The following CC2D2B variants were observed in gnomAD, a reference collection of about 807,000 sequenced individuals.
CC2D2B encodes the protein coiled-coil and C2 domain containing 2B, also known as protein CC2D2B.
CC2D2B carries 128 observed loss-of-function variants against 161.2 expected under a neutral mutation model. That is an observed-to-expected ratio of 0.79 (90% CI 0.69 to 0.92). CC2D2B has a LOEUF of 0.92. Among genes scored for constraint, CC2D2B ranks in the 40% least tolerant of loss-of-function variants. The pLI, the probability that CC2D2B is intolerant of heterozygous loss-of-function variation, is 0.00. For missense variants in CC2D2B, 1,173 were observed against 1,375.1 expected (o/e 0.85, Z 2.32); for synonymous variants, 391 against 449.8 (o/e 0.87, Z 1.65).
chr10:95,962,984 G>T (rs1433396321), intron 12 of CC2D2B, among the ~76,000 whole-genome samples: 1 of 151,958 alleles, frequency 6.6e-6, no homozygotes, highest in Non-Finnish European at 1.5e-5. Context: ...GACCCATATT[G>T]CCTGCTCACC....
intron 5 of CC2D2B, among the ~76,000 whole-genome samples, chr10:95,926,871 T>TGTGC (rs1311615675): frequency 6.6e-6 from 1 of 151,160 alleles, no homozygotes; most frequent in Non-Finnish European, 1.5e-5. Flanking sequence ...TGTGTGTGTG[T>TGTGC]GTGCGCGCGC....
At chr10:95,993,952 GTATATATATATATATATATA>G (rs1169560460) in intron 22 of CC2D2B, among the ~76,000 whole-genome samples, 30 of 18,176 alleles carry the variant, frequency 1.7e-3, no homozygotes, top group African/African-American at 3.4e-3. Flanking sequence ...GTATGTATGT[GTATATATATATATATATATA>G]TATATATATA....
At chr10:95,972,686 T>C (rs2077178400) in intron 16 of CC2D2B, among the ~76,000 whole-genome samples, 1 of 152,232 alleles carries the variant, frequency 6.6e-6, no homozygotes, top group Non-Finnish European at 1.5e-5. Flanking sequence ...AAGTTTTGTC[T>C]TGGGTCAGAT....
intron 9 of CC2D2B, among the ~76,000 whole-genome samples, chr10:95,944,946 G>A (rs1275063199): frequency 6.6e-6 from 1 of 152,182 alleles, no homozygotes. Flanking sequence ...TAAGGGGTAG[G>A]ACCTATAAAA....
intron 34 of CC2D2B, among the ~76,000 whole-genome samples, chr10:96,030,066 G>A (rs1291610510): frequency 6.6e-6 from 1 of 152,100 alleles, no homozygotes; most frequent in African/African-American, 2.4e-5. Flanking sequence ...TCCAGCCTTA[G>A]CCTCCCAAAG....
intron 9 of CC2D2B, among the ~76,000 whole-genome samples, chr10:95,947,082 A>AATATATATATATATAT (rs1297977316): frequency 2.8e-4 from 11 of 39,482 alleles, no homozygotes; most frequent in South Asian, 8.0e-4. Context: ...TGGACTCAAA[A>AATATATATATATATAT]ATATATATAT....
intron 5 of CC2D2B, among the ~76,000 whole-genome samples, chr10:95,925,072 T>TA (rs1228302935): frequency 6.6e-6 from 1 of 152,220 alleles, no homozygotes; most frequent in Non-Finnish European, 1.5e-5. Flanking sequence ...CATTACTTTT[T>TA]ATCCTAAAAA....
In CC2D2B at chr10:96,019,314, G is replaced by C; in HGVS notation, c.3742G>C (p.Asp1248His). ...CCCGTTTTGTCCCTTAAAAAGTGTA[G>C]ATTGTTTGTTTGATGATAGAAATGT... ...FDPFCPLKSV[D>H]CLFDDRNVWF... The change falls in exon 31 of 35, where the codon GAT (aspartate) becomes CAT (histidine). Residue 1248 changes from aspartate to histidine, a missense_variant. By Grantham distance (81) the Asp-to-His change is moderately conservative. Transcript: ENST00000646931. The C allele has an allele frequency of 1.2e-6, 2 of 1,610,166 alleles. No homozygotes were observed. The highest frequency in any genetic ancestry group is 1.7e-6 in the Non-Finnish European group (2 of 1,179,022).
chr10:96,004,881 C>G (rs1590846250), intron 25 of CC2D2B, among the ~76,000 whole-genome samples: 1 of 152,230 alleles, frequency 6.6e-6, no homozygotes, highest in Admixed American at 6.5e-5. Context: ...ACTGAAGGAG[C>G]AATTAATTCT....
At chr10:95,998,136 C>T (rs12414410) in intron 24 of CC2D2B, among the ~76,000 whole-genome samples, 15,503 of 151,392 alleles carry the variant, frequency 0.1, 1,588 homozygotes, top group East Asian at 0.57. Flanking sequence ...ATTTTAGGCT[C>T]ACAAGAAAAT....
chr10:95,957,854 C>A (rs2076623260), intron 11 of CC2D2B, among the ~76,000 whole-genome samples: 1 of 150,336 alleles, frequency 6.7e-6, no homozygotes. Context: ...AGCCACCACA[C>A]CTGGCCATGA....
chr10:95,931,242 C>T (rs754081708), intron 6 of CC2D2B, among the ~76,000 whole-genome samples: 20 of 152,074 alleles, frequency 1.3e-4, no homozygotes, highest in East Asian at 1.9e-4. Context: ...TCCCCTTTAT[C>T]GTTTTTTATT....
intron 34 of CC2D2B, among the ~76,000 whole-genome samples, chr10:96,029,272 A>ATATATATATG (rs2079942037): frequency 1.6e-5 from 1 of 63,802 alleles, no homozygotes; most frequent in Non-Finnish European, 3.0e-5. Context: ...ATATATATAT[A>ATATATATATG]TATATATATA....
chr10:95,985,015 T>C (rs1277548758), intron 19 of CC2D2B, among the ~76,000 whole-genome samples: 1 of 152,164 alleles, frequency 6.6e-6, no homozygotes, highest in Non-Finnish European at 1.5e-5. Flanking sequence ...AAAAATGTAA[T>C]TTAACAAATA....
chr10:95,915,124 C>T (rs1282542036), intron 2 of CC2D2B, among the ~76,000 whole-genome samples: 1 of 152,016 alleles, frequency 6.6e-6, no homozygotes, highest in East Asian at 1.9e-4. Flanking sequence ...ACATCTTTTA[C>T]TTATTTGTTT....
chr10:95,972,180 A>G lies in CC2D2B; in HGVS notation c.1759A>G (p.Lys587Glu), dbSNP rs1008820800. Residue 587 changes from lysine to glutamate, a missense_variant, in exon 16 of 35, where the codon AAG (lysine) becomes GAG (glutamate). Transcript: ENST00000646931. ...ALQYVEFSSD[K>E]LVMPADGEVG... Reference sequence around the variant, plus strand: ...GCAATATGTAGAGTTTAGCTCTGATAAGCTGGTCATGCCTGCCGATGGAGA... The same window carrying G: ...GCAATATGTAGAGTTTAGCTCTGATGAGCTGGTCATGCCTGCCGATGGAGA... 8.1e-7 allele frequency: 1 copy of G among 1,231,932 alleles called. No individual in the cohort carries two copies. The allele number at this position is 1,231,932 out of a possible 1,614,324, so 76.3% of individuals were successfully genotyped here.
intron 16 of CC2D2B, among the ~76,000 whole-genome samples, chr10:95,972,958 TGTTA>T (rs1416445022): frequency 1.3e-5 from 2 of 152,158 alleles, no homozygotes; most frequent in East Asian, 1.9e-4. Flanking sequence ...GGGATGTTTC[TGTTA>T]GTTGTTTTTC....
chr10:95,969,151 G>A (rs1441013512), intron 15 of CC2D2B, among the ~76,000 whole-genome samples: 7 of 152,162 alleles, frequency 4.6e-5, no homozygotes, highest in Non-Finnish European at 1.0e-4. Context: ...ACCCCTGGAT[G>A]TGCAGCACTA....
chr10:95,936,265 C>T (rs11598000), intron 6 of CC2D2B, among the ~76,000 whole-genome samples: 3 of 152,164 alleles, frequency 2.0e-5, no homozygotes, highest in African/African-American at 7.2e-5. Context: ...TTTGGAAAAG[C>T]TATCTGCCCT....
Sources: allele counts gnomAD v4.1 joint callset (sites outside exome capture counted in the v4.1 genomes callset), GRCh38; gene constraint gnomAD v4.1.1; transcripts MANE v1.5; gene names NCBI Gene and HGNC (gene_info 2026-07-23, HGNC 2026-07-21).